Variants in CYP1A2 observed in about 807,000 individuals in gnomAD.
CYP1A2 encodes the protein cytochrome P450 family 1 subfamily A member 2.
A neutral mutation model predicts 34.7 loss-of-function variants in CYP1A2; 35 were observed. That is an observed-to-expected ratio of 1.01 (90% CI 0.77 to 1.34). CYP1A2 has a LOEUF of 1.34. Among genes scored for constraint, CYP1A2 ranks in the 40% most tolerant of loss-of-function variants. CYP1A2 has a pLI of 0.00. For missense variants in CYP1A2, 675 were observed against 675.8 expected (o/e 1.00, Z 0.01); for synonymous variants, 288 against 281.9 (o/e 1.02, Z -0.22).
At chr15:74,752,037 A>G in intron 4 of CYP1A2, 87 bp from the exon 5 acceptor site, 1 of 1,582,816 alleles carries the variant, frequency 6.3e-7, no homozygotes, top group Non-Finnish European at 8.6e-7. Flanking sequence ...ACAGTCTTAC[A>G]TAAGAGTGAC....
chr15:74,751,448 G>A lies in CYP1A2; in HGVS notation c.952+139G>A. 3 of 1,338,972 alleles carry A rather than the reference G, an allele frequency of 2.2e-6. No homozygotes were observed. In the South Asian group the frequency reaches 4.2e-5, roughly 19 times the overall value. The allele number at this position is 1,338,972 out of a possible 1,614,324, so 82.9% of individuals were successfully genotyped here. A position where few individuals can be genotyped will look rare whatever the true frequency, so the allele number is the denominator to read the frequency against. On this transcript the variant is annotated intron_variant, in intron 3 of 6. Coordinates refer to ENST00000343932, the MANE Select transcript of CYP1A2 (RefSeq NM_000761.5). ...ATACTGAGATCTGGCTTGGGATCAGGGTTTGAGCCTGGGCTATGCCACCAA... is the reference window on the plus strand; with the variant it reads ...ATACTGAGATCTGGCTTGGGATCAGAGTTTGAGCCTGGGCTATGCCACCAA...
chr15:74,753,270 C>A lies in CYP1A2; in HGVS notation c.1253C>A (p.Pro418Gln). Residue 418 changes from proline to glutamine, a missense_variant and splice_region_variant, in exon 6 of 7, where the codon CCA (proline) becomes CAA (glutamine). By Grantham distance (76) the Pro-to-Gln change is moderately conservative. Coordinates refer to ENST00000343932, the MANE Select transcript of CYP1A2 (RefSeq NM_000761.5). ...FVNQWQVNHDPELWEDPSEFR... is the reference protein window; with the variant it reads ...FVNQWQVNHDQELWEDPSEFR... ...AACCAGTGGCAGGTCAACCATGACC[C>A]GTGAGTACATACCCCTCACGAAAAA... 1 of 1,613,092 alleles carries A rather than the reference C, an allele frequency of 6.2e-7. No homozygotes were observed. Among genetic ancestry groups the A allele is most frequent in the Non-Finnish European group, 8.5e-7 (1 of 1,179,252 alleles).
chr15:74,755,658 G>A lies in CYP1A2; in HGVS notation c.*570G>A, dbSNP rs2063335328. 6.6e-6 allele frequency: 1 copy of A among 152,100 alleles called. No homozygotes were observed. The highest frequency in any genetic ancestry group is 2.4e-5 in the African/African-American group (1 of 41,366). 9.4% of individuals were successfully genotyped at this position (152,100 alleles called of 1,614,324 possible). A position where few individuals can be genotyped will look rare whatever the true frequency, so the allele number is the denominator to read the frequency against. On this transcript the variant is annotated 3_prime_UTR_variant, in exon 7 of 7. Transcript: ENST00000343932. ...AGATGGGGTTTCACCATGTTGGCCA[G>A]GCTTGTCTCGAACTCCTGACCCCAA...
chr15:74,751,398 C>A, intron 3 of CYP1A2, 89 bp downstream of exon 3: 1 of 1,548,278 alleles, frequency 6.5e-7, no homozygotes, highest in Non-Finnish European at 8.8e-7. Context: ...AAATAACCCA[C>A]CAACCCTACA....
chr15:74,750,346 T>G lies in CYP1A2; in HGVS notation c.608T>G (p.Met203Arg). Residue 203 changes from methionine to arginine, a missense_variant, in exon 2 of 7, where the codon ATG becomes AGG. Met to Arg is a moderately conservative substitution (Grantham distance 91, BLOSUM62 -1). Coordinates refer to ENST00000343932, the MANE Select transcript of CYP1A2 (RefSeq NM_000761.5). The part of the protein sequence containing the change: ...VVSVANVIGA[M>R]CFGQHFPESS... Reference sequence around the variant, plus strand: ...TCAGTGGCCAACGTCATTGGTGCCATGTGCTTCGGACAGCACTTCCCTGAG... The same window carrying G: ...TCAGTGGCCAACGTCATTGGTGCCAGGTGCTTCGGACAGCACTTCCCTGAG... The G allele has an allele frequency of 2.5e-6, 4 of 1,614,094 alleles. No homozygotes were observed. The highest frequency in any genetic ancestry group is 3.4e-6 in the Non-Finnish European group (4 of 1,180,012).
In CYP1A2 at chr15:74,755,204, C is replaced by G; in HGVS notation, c.*116C>G. On this transcript the variant is annotated 3_prime_UTR_variant, in exon 7 of 7. Coordinates refer to ENST00000343932, the MANE Select transcript of CYP1A2 (RefSeq NM_000761.5). ...ATAGCAGCTTTAGCCAAGTGCAGGGCCTGTAATCCCAGCATTTTAGGAGGC... is the reference window on the plus strand; with the variant it reads ...ATAGCAGCTTTAGCCAAGTGCAGGGGCTGTAATCCCAGCATTTTAGGAGGC... 8.5e-7 allele frequency: 1 copy of G among 1,176,808 alleles called. No homozygotes were observed. The highest frequency in any genetic ancestry group is 1.6e-5 in the South Asian group (1 of 63,240). 72.9% of individuals were successfully genotyped at this position (1,176,808 alleles called of 1,614,324 possible). A position where few individuals can be genotyped will look rare whatever the true frequency, so the allele number is the denominator to read the frequency against.
chr15:74,755,390 T>G lies in CYP1A2; in HGVS notation c.*302T>G. 4.4e-6 allele frequency: 1 copy of G among 225,298 alleles called. No individual in the cohort carries two copies. The allele number at this position is 225,298 out of a possible 1,614,324, so 14.0% of individuals were successfully genotyped here. On this transcript the variant is annotated 3_prime_UTR_variant, in exon 7 of 7. Transcript: ENST00000343932. ...ACAAACAAAAAAAAAACCATATATA[T>G]ACATATATATATAGCAGCTTTATGG... is the stretch of plus-strand genomic sequence containing the variant.
At position 74,755,448 on chromosome 15, in the gene CYP1A2, CTT is replaced by C. The variant is rs33923017; in HGVS notation, c.*372_*373del. ...ATTCTTATGCCATATAATTCACCTTCTTTTTTTTTTTTTGTCTGAGACAGAAT... is the reference window on the plus strand; with the variant it reads ...ATTCTTATGCCATATAATTCACCTTCTTTTTTTTTTTGTCTGAGACAGAAT... On this transcript the variant is annotated 3_prime_UTR_variant, in exon 7 of 7. Coordinates refer to ENST00000343932, the MANE Select transcript of CYP1A2 (RefSeq NM_000761.5). 1.9e-4 allele frequency: 27 copies of C among 142,318 alleles called. No homozygotes were observed. Among genetic ancestry groups the C allele is most frequent in the East Asian group, 8.2e-4 (4 of 4,868 alleles). 8.8% of individuals were successfully genotyped at this position (142,318 alleles called of 1,614,324 possible).
At chr15:74,753,417 A>T in intron 6 of CYP1A2, 147 bp downstream of exon 6, 1 of 643,662 alleles carries the variant, frequency 1.6e-6, no homozygotes, top group African/African-American at 1.8e-5. Context: ...CAAAAGTTTC[A>T]CAAACTTTAG....
chr15:74,750,634 G>A lies in CYP1A2; in HGVS notation c.831+65G>A, dbSNP rs564886643. The A allele has an allele frequency of 1.7e-4, 224 of 1,345,520 alleles. 5 individuals carry two copies. In the South Asian group the frequency reaches 2.6e-3, roughly 16 times the overall value. The allele number at this position is 1,345,520 out of a possible 1,614,324, so 83.3% of individuals were successfully genotyped here. ...GCCTGGGTGCAGCCCCTCCCTCCCA[G>A]CTCCAGCATGCCCACACAGCTGCTG... On this transcript the variant is annotated intron_variant, in intron 2 of 6. Transcript: ENST00000343932.
intron 6 of CYP1A2, among the ~76,000 whole-genome samples, chr15:74,753,956 T>C (rs952452751): frequency 6.6e-6 from 1 of 152,192 alleles, no homozygotes; most frequent in African/African-American, 2.4e-5. Flanking sequence ...TCAATGTTTA[T>C]GCTAGTCATC....
intron 3 of CYP1A2, 54 bp downstream of exon 3, chr15:74,751,363 G>T: frequency 6.2e-7 from 1 of 1,604,720 alleles, no homozygotes; most frequent in Non-Finnish European, 8.5e-7. Flanking sequence ...TTCACCCACA[G>T]CCTTGCCCAG....
Position 74,755,254 on chromosome 15 carries a change from C to T in CYP1A2, c.*166C>T. 1.2e-6 allele frequency: 1 copy of T among 816,070 alleles called. No homozygotes were observed. Among genetic ancestry groups the T allele is most frequent in the Non-Finnish European group, 1.8e-6 (1 of 544,272 alleles). 50.6% of individuals were successfully genotyped at this position (816,070 alleles called of 1,614,324 possible). A position where few individuals can be genotyped will look rare whatever the true frequency, so the allele number is the denominator to read the frequency against. ...CCAAGGTTGGAGGATCATTTGAGCCCAGGAATTGGAAAGCAGCCTGGCCAA... is the reference window on the plus strand; with the variant it reads ...CCAAGGTTGGAGGATCATTTGAGCCTAGGAATTGGAAAGCAGCCTGGCCAA... On this transcript the variant is annotated 3_prime_UTR_variant, in exon 7 of 7. Transcript: ENST00000343932.
intron 1 of CYP1A2, 110 bp from the exon 2 acceptor site, chr15:74,749,620 T>A: frequency 1.1e-6 from 1 of 913,000 alleles, no homozygotes; most frequent in African/African-American, 1.7e-5. Flanking sequence ...GGTATCCAGC[T>A]GGGAGCCAAG....
chr15:74,749,835 C>T lies in CYP1A2; in HGVS notation c.97C>T (p.Pro33Ser). ...ATTCTGGGTGCTCAAGGGTTTGAGGCCTCGGGTCCCCAAAGGCCTGAAAAG... is the reference window on the plus strand; with the variant it reads ...ATTCTGGGTGCTCAAGGGTTTGAGGTCTCGGGTCCCCAAAGGCCTGAAAAG... Reference protein sequence around the residue: ...LVFWVLKGLRPRVPKGLKSPP... With the variant: ...LVFWVLKGLRSRVPKGLKSPP... The change falls in exon 2 of 7, where the codon CCT becomes TCT. Residue 33 changes from proline (P) to serine (S), a missense_variant. Pro to Ser is a moderately conservative substitution (Grantham distance 74). Transcript: ENST00000343932. 5.0e-6 allele frequency: 8 copies of T among 1,605,338 alleles called. No individual in the cohort carries two copies. The highest frequency in any genetic ancestry group is 6.8e-6 in the Non-Finnish European group (8 of 1,173,894).
At chr15:74,750,888 A>C (rs1284779050) in intron 2 of CYP1A2, among the ~76,000 whole-genome samples, 1 of 152,202 alleles carries the variant, frequency 6.6e-6, no homozygotes, top group East Asian at 1.9e-4. Flanking sequence ...AAACCCCAAC[A>C]GAGGCTAATC....
rs768186715 is a variant in CYP1A2, at chr15:74,750,466, G to A, written c.728G>A (p.Arg243His). ...GNPLDFFPIL[R>H]YLPNPALQRF... Reference sequence around the variant, plus strand: ...CCCCTGGACTTCTTCCCCATCCTTCGCTACCTGCCTAACCCTGCCCTGCAG... The same window carrying A: ...CCCCTGGACTTCTTCCCCATCCTTCACTACCTGCCTAACCCTGCCCTGCAG... Residue 243 changes from arginine to histidine, a missense_variant, in exon 2 of 7, where the codon CGC (arginine) becomes CAC (histidine). Coordinates refer to ENST00000343932, the MANE Select transcript of CYP1A2 (RefSeq NM_000761.5). 1.4e-5 allele frequency: 23 copies of A among 1,614,032 alleles called. No homozygotes were observed. Among genetic ancestry groups the A allele is most frequent in the African/African-American group, 2.7e-5 (2 of 74,912 alleles).
At chr15:74,754,668 T>C in intron 6 of CYP1A2, 123 bp from the exon 7 acceptor site, 1 of 877,092 alleles carries the variant, frequency 1.1e-6, no homozygotes, top group Non-Finnish European at 1.8e-6. Context: ...CCTTCCCACC[T>C]ACCCTTCATT....
Position 74,755,129 on chromosome 15 carries a change from C to T in CYP1A2, c.*41C>T, listed in dbSNP as rs1198435495. ...TCTGAGGCCAGGGAGCGAGTGGGGG[C>T]CAGCCACGGGGACTCAGCCCTTGTT... On this transcript the variant is annotated 3_prime_UTR_variant, in exon 7 of 7. Coordinates refer to ENST00000343932, the MANE Select transcript of CYP1A2 (RefSeq NM_000761.5). 6.3e-7 allele frequency: 1 copy of T among 1,577,912 alleles called. No individual in the cohort carries two copies. Among genetic ancestry groups the T allele is most frequent in the Non-Finnish European group, 8.6e-7 (1 of 1,160,294 alleles).
Sources: allele counts gnomAD v4.1 joint callset (sites outside exome capture counted in the v4.1 genomes callset), GRCh38; gene constraint gnomAD v4.1.1; transcripts MANE v1.5; gene names NCBI Gene and HGNC (gene_info 2026-07-23, HGNC 2026-07-21).